Variants in TRIOBP observed in about 807,000 individuals in gnomAD.
TRIOBP encodes TRIO and F-actin-binding protein.
TRIOBP carries 169 observed loss-of-function variants against 238.8 expected under a neutral mutation model. The observed-to-expected ratio is 0.71, with a 90% CI of 0.62 to 0.80. The LOEUF (loss-of-function observed/expected upper bound fraction) is 0.80. TRIOBP is among the 30% of genes least tolerant of loss of function. The pLI is 0.00. For missense variants in TRIOBP, 2,838 were observed against 3,122.6 expected (o/e 0.91, Z 2.17); for synonymous variants, 1,150 against 1,274.4 (o/e 0.90, Z 2.08).
Position 37,725,675 on chromosome 22 carries a change from T to G in TRIOBP, c.3119T>G (p.Phe1040Cys). 6.2e-7 allele frequency: 1 copy of G among 1,612,754 alleles called. No homozygotes were observed. Among genetic ancestry groups the G allele is most frequent in the Non-Finnish European group, 8.5e-7 (1 of 1,179,618 alleles). ...PRYLQHDPFP[F>C]FPEPRAPESE... ...TATTTGCAGCACGACCCCTTCCCCT[T>G]CTTCCCAGAGCCCCGCGCCCCTGAG... The change falls in exon 7 of 24, where the codon TTC (phenylalanine) becomes TGC (cysteine). Residue 1040 changes from phenylalanine (F) to cysteine (C), a missense_variant. By Grantham distance (205) the Phe-to-Cys change is radical. Transcript: ENST00000644935.
chr22:37,744,548 A>C (rs1361183650), intron 11 of TRIOBP, among the ~76,000 whole-genome samples: 4 of 152,118 alleles, frequency 2.6e-5, no homozygotes, highest in Admixed American at 2.0e-4. Context: ...TACTAGGAGG[A>C]GTCGCAGGGG....
At chr22:37,710,285 G>A in intron 3 of TRIOBP, 142 bp from the exon 4 acceptor site, 1 of 1,310,938 alleles carries the variant, frequency 7.6e-7, no homozygotes, top group Non-Finnish European at 1.1e-6. Context: ...GGTGCTTCTA[G>A]CCTGATGGGC....
intron 7 of TRIOBP, among the ~76,000 whole-genome samples, chr22:37,727,045 T>C (rs1924205791): frequency 6.6e-6 from 1 of 151,892 alleles, no homozygotes; most frequent in Non-Finnish European, 1.5e-5. Context: ...TAGCTGGGAT[T>C]ACAGGCACGT....
intron 1 of TRIOBP, 91 bp from the exon 2 acceptor site, chr22:37,697,497 G>A (rs1922411822): frequency 6.6e-6 from 1 of 152,266 alleles, no homozygotes; most frequent in Non-Finnish European, 1.5e-5. Context: ...CGCCCGGGGA[G>A]GATCAGAGAC....
intron 2 of TRIOBP, among the ~76,000 whole-genome samples, chr22:37,698,734 C>G (rs1029286899): frequency 6.6e-6 from 1 of 151,998 alleles, no homozygotes; most frequent in Non-Finnish European, 1.5e-5. Context: ...TTACTCAGTC[C>G]CAGAGACTGA....
chr22:37,752,753 C>A (rs993153242), intron 12 of TRIOBP, among the ~76,000 whole-genome samples: 2 of 152,174 alleles, frequency 1.3e-5, no homozygotes, highest in African/African-American at 4.8e-5. Flanking sequence ...ACCCAGGGTC[C>A]CCGGAGGGCA....
At position 37,751,373 on chromosome 22, in the gene TRIOBP, G is replaced by A. The variant is rs1925595860; in HGVS notation, c.5323-399G>A. ...GGGCACTTGGTCCTCGTCAGAGGGA[G>A]GAACTGGACAGTTCGCGCAGTGCTG... is the stretch of plus-strand genomic sequence containing the variant. On this transcript the variant is annotated intron_variant, in intron 11 of 23. Transcript: ENST00000644935. The A allele has an allele frequency of 8.8e-6, 3 of 342,626 alleles. No homozygotes were observed. In the East Asian group the frequency reaches 2.3e-4, roughly 26 times the overall value. The allele number at this position is 342,626 out of a possible 1,614,324, so 21.2% of individuals were successfully genotyped here.
chr22:37,745,144 C>T (rs1925157952), intron 11 of TRIOBP, among the ~76,000 whole-genome samples: 1 of 152,010 alleles, frequency 6.6e-6, no homozygotes, highest in South Asian at 2.1e-4. Context: ...GATTACAGAC[C>T]TGAACCACCG....
intron 22 of TRIOBP, 141 bp downstream of exon 22, chr22:37,771,877 C>T (rs1926795465): frequency 2.6e-6 from 2 of 765,112 alleles, no homozygotes; most frequent in Non-Finnish European, 4.6e-6. Flanking sequence ...ATGTAGGTGT[C>T]ATCATCCCCA....
chr22:37,760,794 T>A (rs1243727946), intron 17 of TRIOBP, among the ~76,000 whole-genome samples: 1 of 151,856 alleles, frequency 6.6e-6, no homozygotes, highest in East Asian at 1.9e-4. Flanking sequence ...GCCAACATGG[T>A]GAAACTCCGT....
Position 37,725,742 on chromosome 22 carries a change from T to C in TRIOBP, c.3186T>C (p.Ala1062=). ...ACGAGCCTCCCTATATACCACCTGCTGTGTGCATTGGACACCGAGATGCCC... is the reference window on the plus strand; with the variant it reads ...ACGAGCCTCCCTATATACCACCTGCCGTGTGCATTGGACACCGAGATGCCC... ...PHHEPPYIPP[A]VCIGHRDAPR... Residue 1062 remains alanine, a synonymous_variant, in exon 7 of 24, where the codon GCT becomes GCC. Transcript: ENST00000644935. The C allele has an allele frequency of 6.2e-7, 1 of 1,611,798 alleles. No homozygotes were observed. The highest frequency in any genetic ancestry group is 8.5e-7 in the Non-Finnish European group (1 of 1,179,530).
intron 11 of TRIOBP, chr22:37,746,258 G>C: frequency 2.8e-6 from 3 of 1,089,022 alleles, no homozygotes; most frequent in Admixed American, 5.1e-5. Context: ...GGAAGGGGCC[G>C]GGGCAGCGTC....
At chr22:37,737,107 T>G (rs1924709267) in intron 9 of TRIOBP, among the ~76,000 whole-genome samples, 1 of 152,040 alleles carries the variant, frequency 6.6e-6, no homozygotes, top group Non-Finnish European at 1.5e-5. Flanking sequence ...CTGTCAGGCT[T>G]GTTAGGAAGG....
intron 5 of TRIOBP, among the ~76,000 whole-genome samples, chr22:37,714,627 C>T (rs1300188401): frequency 1.3e-5 from 2 of 151,954 alleles, no homozygotes; most frequent in African/African-American, 4.8e-5. Flanking sequence ...TGCACCATTG[C>T]ACTCCAGCCT....
intron 6 of TRIOBP, among the ~76,000 whole-genome samples, chr22:37,717,085 C>T (rs1601625728): frequency 1.3e-5 from 2 of 152,124 alleles, no homozygotes; most frequent in South Asian, 2.1e-4. Flanking sequence ...TTCTGATGTT[C>T]GGATGTGTTT....
In TRIOBP at chr22:37,725,578, G is replaced by A. The variant is rs1409681967; in HGVS notation, c.3022G>A (p.Glu1008Lys). ...CTATGGGGCTCCCCTGACCTCTCCT[G>A]AGCCCTCCCAGCCTCCATGTGCTGT... The part of the protein sequence containing the change: ...AAYGAPLTSP[E>K]PSQPPCAVCI... Residue 1008 changes from glutamate to lysine, a missense_variant, in exon 7 of 24, where the codon GAG (glutamate) becomes AAG (lysine). By Grantham distance (56) the Glu-to-Lys change is moderately conservative. Coordinates refer to ENST00000644935, the MANE Select transcript of TRIOBP (RefSeq NM_001039141.3). 6.2e-7 allele frequency: 1 copy of A among 1,613,654 alleles called. No individual in the cohort carries two copies. Among genetic ancestry groups the A allele is most frequent in the Non-Finnish European group, 8.5e-7 (1 of 1,179,968 alleles).
intron 7 of TRIOBP, among the ~76,000 whole-genome samples, chr22:37,732,797 G>A (rs1257824136): frequency 1.3e-5 from 2 of 152,232 alleles, no homozygotes; most frequent in African/African-American, 2.4e-5. Flanking sequence ...CGTGGGCTGC[G>A]ATCATGATAC....
intron 6 of TRIOBP, among the ~76,000 whole-genome samples, chr22:37,717,129 G>A (rs772529705): frequency 1.3e-5 from 2 of 152,154 alleles, no homozygotes; most frequent in Non-Finnish European, 2.9e-5. Context: ...TCGCGGTCTC[G>A]CTGGCTCAGG....
chr22:37,765,437 G>A (rs1238239730), intron 17 of TRIOBP, among the ~76,000 whole-genome samples: 1 of 151,888 alleles, frequency 6.6e-6, no homozygotes, highest in Non-Finnish European at 1.5e-5. Context: ...ACGGGGACTT[G>A]ACTCTGTAGG....
Sources: gnomAD v4.1 joint callset for allele counts (sites outside exome capture counted in the v4.1 genomes callset) on GRCh38, gnomAD v4.1.1 for gene constraint, MANE v1.5 for transcripts, NCBI Gene and HGNC (gene_info 2026-07-23, HGNC 2026-07-21) for gene names.